CAST: variants seen among roughly 807,000 people sequenced by gnomAD.
CAST encodes the protein MIR583 host.
In CAST, 76 loss-of-function variants were observed where a neutral mutation model predicts 119.6. The ratio of observed to expected loss-of-function variants is 0.64; its 90% confidence interval spans 0.53 to 0.77. The LOEUF is 0.77. CAST is among the 30% of genes least tolerant of loss of function. The pLI, the probability that CAST is intolerant of heterozygous loss-of-function variation, is 0.00. For missense variants in CAST, 953 were observed against 946.5 expected (o/e 1.01, Z -0.09); for synonymous variants, 319 against 331.6 (o/e 0.96, Z 0.41).
the CAST span, among the ~76,000 whole-genome samples, chr5:96,336,352 G>C: frequency 6.6e-6 from 1 of 152,274 alleles, no homozygotes; most frequent in Admixed American, 6.5e-5. Flanking sequence ...TTAAACATTA[G>C]AGCCTTCATG....
chr5:96,635,834 T>G (rs1316592791), intron 1 of CAST, among the ~76,000 whole-genome samples: 3 of 152,244 alleles, frequency 2.0e-5, no homozygotes, highest in Non-Finnish European at 4.4e-5. Flanking sequence ...GATTCTTCAT[T>G]GTGGCTCACA....
intron 1 of CAST, among the ~76,000 whole-genome samples, chr5:96,664,354 AATAT>A (rs200478446): frequency 6.6e-6 from 1 of 151,686 alleles, no homozygotes; most frequent in Non-Finnish European, 1.5e-5. Flanking sequence ...TATATATGTA[AATAT>A]ATGTGTGTGT....
the CAST span, among the ~76,000 whole-genome samples, chr5:96,500,078 C>T: frequency 0.11 from 17,051 of 151,904 alleles, 1,534 homozygotes; most frequent in East Asian, 0.28. Context: ...TGGGAGCAGT[C>T]TGTGGCCCCC....
chr5:96,753,376 C>T lies in CAST; in HGVS notation c.1525-684C>T, dbSNP rs557299651. On this transcript the variant is annotated intron_variant, in intron 20 of 31. Transcript: ENST00000675179. Reference sequence around the variant, plus strand: ...TTCTTATGACCTACTAATGTACAGACGATTCCCTTTATTTTCCCTTGACAC... The same window carrying T: ...TTCTTATGACCTACTAATGTACAGATGATTCCCTTTATTTTCCCTTGACAC... Among the ~76,000 whole-genome samples, 7 of 152,172 alleles carry T rather than the reference C, an allele frequency of 4.6e-5. No homozygotes were observed. The South Asian group carries it at 6.2e-4, about 13-fold the overall frequency.
chr5:96,525,572 A>C (rs1254399411), upstream of CAST: 1 of 152,164 alleles, frequency 6.6e-6, no homozygotes, highest in Non-Finnish European at 1.5e-5. Context: ...ATCAGGCTTG[A>C]TTATTTTCTT....
the CAST span, among the ~76,000 whole-genome samples, chr5:96,295,637 C>A: frequency 6.6e-6 from 1 of 152,128 alleles, no homozygotes; most frequent in African/African-American, 2.4e-5. Flanking sequence ...ATTTCTTCAG[C>A]TAATGATTAC....
the CAST span, among the ~76,000 whole-genome samples, chr5:96,513,244 G>A: frequency 6.6e-6 from 1 of 152,224 alleles, no homozygotes; most frequent in Admixed American, 6.5e-5. Context: ...CTGTATTCAT[G>A]AGCAAGCCAC....
chr5:96,500,773 CG>C, the CAST span, among the ~76,000 whole-genome samples: 2 of 152,100 alleles, frequency 1.3e-5, no homozygotes, highest in African/African-American at 4.8e-5. Flanking sequence ...ATCACCGTCT[CG>C]GGAAATGGGA....
the CAST span, among the ~76,000 whole-genome samples, chr5:96,008,738 C>A: frequency 7.7e-3 from 1,169 of 152,282 alleles, 16 homozygotes; most frequent in African/African-American, 0.027. Context: ...TGAGATCATT[C>A]TAATGAGAAG....
chr5:96,280,156 A>C, the CAST span, among the ~76,000 whole-genome samples: 1 of 152,206 alleles, frequency 6.6e-6, no homozygotes, highest in African/African-American at 2.4e-5. Context: ...ATAATGAACA[A>C]GAGGTGATCT....
At chr5:96,022,658 G>C in the CAST span, among the ~76,000 whole-genome samples, 8 of 152,196 alleles carry the variant, frequency 5.3e-5, no homozygotes, top group African/African-American at 1.4e-4. Context: ...TGTCAGTCAG[G>C]GTTCTTCCGA....
At chr5:96,526,538 A>G (rs1432589190), upstream of CAST, among the ~76,000 whole-genome samples, 1 of 152,212 alleles carries the variant, frequency 6.6e-6, no homozygotes, top group East Asian at 1.9e-4. Context: ...ATGGGGAAAT[A>G]AAGAGCTTTT....
intron 29 of CAST, 52 bp downstream of exon 29, chr5:96,768,051 T>C (rs1561624618): frequency 9.2e-6 from 10 of 1,092,340 alleles, no homozygotes; most frequent in East Asian, 2.4e-5. Context: ...TGTGTATGTG[T>C]ACATACATAT....
chr5:96,056,164 GA>G, the CAST span, among the ~76,000 whole-genome samples: 1 of 151,974 alleles, frequency 6.6e-6, no homozygotes, highest in Non-Finnish European at 1.5e-5. Flanking sequence ...AAACTCACAG[GA>G]AAAAATACTA....
At chr5:96,497,724 T>C in the CAST span, among the ~76,000 whole-genome samples, 1 of 152,196 alleles carries the variant, frequency 6.6e-6, no homozygotes, top group South Asian at 2.1e-4. Flanking sequence ...TTTTTCCTTG[T>C]AAATTTGTTT....
the CAST span, among the ~76,000 whole-genome samples, chr5:96,446,179 C>CAAA: frequency 0.016 from 1,770 of 114,014 alleles, 40 homozygotes; most frequent in East Asian, 0.041. Flanking sequence ...TTTTAGTGTA[C>CAAA]AAAAAAAAAA....
the CAST span, among the ~76,000 whole-genome samples, chr5:96,143,067 T>G: frequency 2.6e-5 from 4 of 152,280 alleles, no homozygotes; most frequent in East Asian, 7.7e-4. Flanking sequence ...GGGAGAACGG[T>G]TTTCTTTCTT....
At chr5:96,717,411 G>T (rs1345182367) in intron 3 of CAST, among the ~76,000 whole-genome samples, 2 of 152,228 alleles carry the variant, frequency 1.3e-5, no homozygotes, top group African/African-American at 4.8e-5. Context: ...GCAAGGCTCA[G>T]AAGTGGAAGG....
At chr5:96,060,356 G>T in the CAST span, among the ~76,000 whole-genome samples, 1 of 152,116 alleles carries the variant, frequency 6.6e-6, no homozygotes, top group African/African-American at 2.4e-5. Context: ...GGAAGTGTTG[G>T]TAAAGATCCA....
Sources: allele counts gnomAD v4.1 joint callset (sites outside exome capture counted in the v4.1 genomes callset), GRCh38; gene constraint gnomAD v4.1.1; transcripts MANE v1.5; gene names NCBI Gene and HGNC (gene_info 2026-07-23, HGNC 2026-07-21).